The following FBXW7 variants were observed in gnomAD, a reference collection of about 807,000 sequenced individuals.
FBXW7 encodes F-box and WD repeat domain containing 7.
FBXW7 carries 11 observed loss-of-function variants against 86.3 expected under a neutral mutation model. That is an observed-to-expected ratio of 0.13 (90% CI 0.08 to 0.21). The LOEUF (loss-of-function observed/expected upper bound fraction) is 0.21. FBXW7 is among the 10% of genes least tolerant of loss of function. The pLI is 1.00. For missense variants in FBXW7, 488 were observed against 847.4 expected, an observed-to-expected ratio of 0.58 and a Z score of 5.27; for synonymous variants, 313 against 297.9, an observed-to-expected ratio of 1.05 and a Z score of -0.52.
chr4:152,355,097 A>C (rs189612060), intron 4 of FBXW7, among the ~76,000 whole-genome samples: 7 of 152,246 alleles, frequency 4.6e-5, no homozygotes, highest in Admixed American at 4.6e-4. Context: ...AAATTAACAG[A>C]ATAAAAATGA....
In FBXW7 at chr4:152,535,800, G is replaced by T; in HGVS notation, c.-886C>A. On this transcript the variant is annotated 5_prime_UTR_variant, in exon 1 of 14. Coordinates refer to ENST00000281708, the MANE Select transcript of FBXW7 (RefSeq NM_001349798.2). ...TGGTAGCCGCCTCCCTGCCCCCCAAGCCGCCGGCTCCGGCTCAGGCTCGGG... is the reference window on the plus strand; with the variant it reads ...TGGTAGCCGCCTCCCTGCCCCCCAATCCGCCGGCTCCGGCTCAGGCTCGGG... 2.5e-6 allele frequency: 1 copy of T among 394,068 alleles called. No individual in the cohort carries two copies. The allele number at this position is 394,068 out of a possible 1,614,324, so 24.4% of individuals were successfully genotyped here.
chr4:152,363,326 C>G (rs1471646335), intron 4 of FBXW7, among the ~76,000 whole-genome samples: 2 of 152,046 alleles, frequency 1.3e-5, no homozygotes, highest in African/African-American at 4.8e-5. Context: ...TTACTAAAAG[C>G]CAAGCACTAA....
rs988330894 is a variant in FBXW7, at chr4:152,534,968, G to A, written c.-147C>T. 6.6e-6 allele frequency: 1 copy of A among 152,232 alleles called. No individual in the cohort carries two copies. Among genetic ancestry groups the A allele is most frequent in the African/African-American group, 2.4e-5 (1 of 41,450 alleles). 9.4% of individuals were successfully genotyped at this position (152,232 alleles called of 1,614,324 possible). Reference sequence around the variant, plus strand: ...TTTTAGAAAAGAGCCGCGGCGCCGAGAAAGTGGGTTGGTTCCCTTCCTCCT... The same window carrying A: ...TTTTAGAAAAGAGCCGCGGCGCCGAAAAAGTGGGTTGGTTCCCTTCCTCCT... On this transcript the variant is annotated 5_prime_UTR_variant, in exon 2 of 14. Coordinates refer to ENST00000281708, the MANE Select transcript of FBXW7 (RefSeq NM_001349798.2).
intron 2 of FBXW7, among the ~76,000 whole-genome samples, chr4:152,427,986 T>C (rs933051113): frequency 6.6e-6 from 1 of 152,192 alleles, no homozygotes; most frequent in Non-Finnish European, 1.5e-5. Context: ...ATCGACCCTA[T>C]TCCTGACCTT....
At chr4:152,359,779 C>A (rs1305744839) in intron 4 of FBXW7, among the ~76,000 whole-genome samples, 1 of 151,792 alleles carries the variant, frequency 6.6e-6, no homozygotes, top group Non-Finnish European at 1.5e-5. Context: ...ACAAAAAAAA[C>A]CCACAAAGAC....
intron 4 of FBXW7, among the ~76,000 whole-genome samples, chr4:152,383,170 G>A (rs1022611561): frequency 6.6e-6 from 1 of 152,110 alleles, no homozygotes; most frequent in South Asian, 2.1e-4. Flanking sequence ...TGTAAAAAGT[G>A]TATTTATTTA....
chr4:152,438,249 T>C (rs1309928629), intron 2 of FBXW7, among the ~76,000 whole-genome samples: 1 of 152,160 alleles, frequency 6.6e-6, no homozygotes, highest in Non-Finnish European at 1.5e-5. Flanking sequence ...GCATACTTAA[T>C]AGGCTACAAT....
At chr4:152,450,498 T>A (rs915705909) in intron 2 of FBXW7, among the ~76,000 whole-genome samples, 1 of 152,222 alleles carries the variant, frequency 6.6e-6, no homozygotes, top group African/African-American at 2.4e-5. Flanking sequence ...TCTGTCACAC[T>A]TTCAGATGCA....
chr4:152,526,889 A>G (rs931838415), intron 2 of FBXW7, among the ~76,000 whole-genome samples: 1 of 152,206 alleles, frequency 6.6e-6, no homozygotes, highest in Non-Finnish European at 1.5e-5. Flanking sequence ...TCATTTCTTC[A>G]GTTTTTAATA....
intron 4 of FBXW7, chr4:152,352,994 G>A: frequency 7.9e-7 from 1 of 1,259,836 alleles, no homozygotes; most frequent in Non-Finnish European, 1.0e-6. Context: ...GATGTGGGCA[G>A]CAGAGACCGC....
At chr4:152,394,967 G>A (rs1380851007) in intron 4 of FBXW7, among the ~76,000 whole-genome samples, 1 of 152,018 alleles carries the variant, frequency 6.6e-6, no homozygotes, top group African/African-American at 2.4e-5. Context: ...TACTGTTGAG[G>A]ACATGATCTA....
chr4:152,384,119 T>C (rs182204023), intron 4 of FBXW7, among the ~76,000 whole-genome samples: 86 of 152,238 alleles, frequency 5.6e-4, no homozygotes, highest in African/African-American at 1.9e-3. Context: ...GAAAATAGTA[T>C]GGCAGTTCCT....
At chr4:152,363,823 G>C (rs1344776856) in intron 4 of FBXW7, among the ~76,000 whole-genome samples, 1 of 152,164 alleles carries the variant, frequency 6.6e-6, no homozygotes, top group African/African-American at 2.4e-5. Flanking sequence ...AAGAGGCACA[G>C]AGAGTTTTAA....
At chr4:152,358,543 A>C (rs1732620336) in intron 4 of FBXW7, among the ~76,000 whole-genome samples, 1 of 151,854 alleles carries the variant, frequency 6.6e-6, no homozygotes, top group African/African-American at 2.4e-5. Flanking sequence ...CTACTAAATC[A>C]GCAAAAAATA....
chr4:152,398,860 T>C (rs543865410), intron 4 of FBXW7, among the ~76,000 whole-genome samples: 3 of 152,238 alleles, frequency 2.0e-5, no homozygotes, highest in South Asian at 4.1e-4. Context: ...ATCTCACTAA[T>C]AAGATTGATA....
At chr4:152,476,467 C>T (rs1358457308) in intron 2 of FBXW7, among the ~76,000 whole-genome samples, 1 of 152,024 alleles carries the variant, frequency 6.6e-6, no homozygotes, top group African/African-American at 2.4e-5. Context: ...TGATAGTAAT[C>T]AAAATTAGAA....
intron 4 of FBXW7, among the ~76,000 whole-genome samples, chr4:152,379,012 A>C (rs1024955729): frequency 7.9e-5 from 12 of 152,258 alleles, no homozygotes; most frequent in African/African-American, 2.9e-4. Context: ...TCCCAAAAAA[A>C]GCAAAACAAA....
chr4:152,370,688 C>T (rs918404686), intron 4 of FBXW7, among the ~76,000 whole-genome samples: 5 of 151,840 alleles, frequency 3.3e-5, no homozygotes, highest in Admixed American at 3.3e-4. Flanking sequence ...AACAAATATG[C>T]AAATAATGCC....
intron 4 of FBXW7, among the ~76,000 whole-genome samples, chr4:152,353,669 T>G (rs1417743930): frequency 6.6e-6 from 1 of 152,180 alleles, no homozygotes; most frequent in African/African-American, 2.4e-5. Context: ...CAAAATTATT[T>G]TGACAATCTA....
Sources: gnomAD v4.1 joint callset for allele counts (sites outside exome capture counted in the v4.1 genomes callset) on GRCh38, gnomAD v4.1.1 for gene constraint, MANE v1.5 for transcripts, NCBI Gene and HGNC (gene_info 2026-07-23, HGNC 2026-07-21) for gene names.